ADGRG7: variants seen among roughly 807,000 people sequenced by gnomAD.
The protein encoded by ADGRG7 is adhesion G protein-coupled receptor G7.
In ADGRG7, 82 loss-of-function variants were observed where a neutral mutation model predicts 88.6. The ratio of observed to expected loss-of-function variants is 0.93; its 90% CI spans 0.77 to 1.11. ADGRG7 has a LOEUF of 1.11. Ranked by LOEUF, ADGRG7 falls within the 50% of genes most tolerant of loss-of-function variation. The probability of loss-of-function intolerance (pLI) is 0.00; values close to 1 mark genes in which losing one functional copy is unlikely to be tolerated. For missense variants in ADGRG7, 945 were observed against 953.4 expected, an observed-to-expected ratio of 0.99 and a Z score of 0.12; for synonymous variants, 381 against 345.2, an observed-to-expected ratio of 1.10 and a Z score of -1.15.
intron 14 of ADGRG7, among the ~76,000 whole-genome samples, chr3:100,660,665 AT>A (rs1331685802): frequency 1.3e-5 from 2 of 149,980 alleles, no homozygotes; most frequent in Non-Finnish European, 3.0e-5. Context: ...TAAAAATTAA[AT>A]TTTCGGCAGG....
chr3:100,683,531 G>A (rs1034215226), intron 15 of ADGRG7, among the ~76,000 whole-genome samples: 1 of 152,220 alleles, frequency 6.6e-6, no homozygotes, highest in Non-Finnish European at 1.5e-5. Context: ...GGAGCTGCCT[G>A]CCCCACCGCA....
intron 6 of ADGRG7, among the ~76,000 whole-genome samples, chr3:100,639,153 A>G (rs1419195695): frequency 1.3e-5 from 2 of 152,096 alleles, no homozygotes; most frequent in Non-Finnish European, 2.9e-5. Flanking sequence ...TTATATAAAT[A>G]TATACACATC....
At chr3:100,645,542 C>T (rs1021514189) in intron 8 of ADGRG7, among the ~76,000 whole-genome samples, 5 of 152,194 alleles carry the variant, frequency 3.3e-5, no homozygotes, top group Non-Finnish European at 5.9e-5. Context: ...TTTGCTATTT[C>T]CTGTCTCATA....
intron 6 of ADGRG7, among the ~76,000 whole-genome samples, chr3:100,642,986 T>C (rs1000004829): frequency 1.3e-5 from 2 of 152,222 alleles, no homozygotes; most frequent in Non-Finnish European, 2.9e-5. Flanking sequence ...TAATAAAGAC[T>C]ATTTCTTTTG....
At chr3:100,613,556 A>G (rs1707185947) in intron 1 of ADGRG7, among the ~76,000 whole-genome samples, 1 of 151,542 alleles carries the variant, frequency 6.6e-6, no homozygotes, top group African/African-American at 2.4e-5. Flanking sequence ...AAAAAAGTCT[A>G]TTAAAGGGAA....
chr3:100,627,781 T>C (rs1707399989), intron 1 of ADGRG7, among the ~76,000 whole-genome samples: 1 of 152,144 alleles, frequency 6.6e-6, no homozygotes, highest in African/African-American at 2.4e-5. Flanking sequence ...TTGTTTTTCT[T>C]GTGATTCTTC....
intron 1 of ADGRG7, 122 bp from the exon 2 acceptor site, chr3:100,629,476 A>C (rs1329194720): frequency 3.2e-6 from 2 of 629,312 alleles, no homozygotes; most frequent in African/African-American, 3.7e-5. Context: ...ATTACAAAGA[A>C]TATTTCTCAG....
chr3:100,643,443 G>A, intron 7 of ADGRG7, 38 bp downstream of exon 7: 1 of 1,612,336 alleles, frequency 6.2e-7, no homozygotes, highest in South Asian at 1.1e-5. Flanking sequence ...ACAGCAAAGA[G>A]CATTCTGCTA....
At chr3:100,615,781 A>G (rs898565843) in intron 1 of ADGRG7, among the ~76,000 whole-genome samples, 1 of 152,190 alleles carries the variant, frequency 6.6e-6, no homozygotes, top group Admixed American at 6.5e-5. Flanking sequence ...TAAAGAGTAA[A>G]GTCAACCATA....
intron 3 of ADGRG7, 125 bp downstream of exon 3, chr3:100,630,934 C>T (rs1324715634): frequency 4.7e-6 from 2 of 422,098 alleles, no homozygotes; most frequent in South Asian, 9.9e-5. Context: ...AAGGACTTAA[C>T]TCCCTTTCGT....
Position 100,609,618 on chromosome 3 carries a change from C to T in ADGRG7, c.-239C>T. 1 of 382,290 alleles carries T rather than the reference C, an allele frequency of 2.6e-6. No individual in the cohort carries two copies. Among genetic ancestry groups the T allele is most frequent in the Admixed American group, 3.6e-5 (1 of 27,960 alleles). The allele number at this position is 382,290 out of a possible 1,614,324, so 23.7% of individuals were successfully genotyped here. The stretch of plus-strand genomic sequence containing the variant: ...CTCTAATCACTTTTTTCATGTTCTC[C>T]TTGAGTGAAGGATGAGGAAATTGAA... On this transcript the variant is annotated 5_prime_UTR_variant, in exon 1 of 16. Transcript: ENST00000273352.
At chr3:100,659,193 G>T (rs982427906) in intron 13 of ADGRG7, among the ~76,000 whole-genome samples, 2 of 152,088 alleles carry the variant, frequency 1.3e-5, no homozygotes, top group African/African-American at 4.8e-5. Flanking sequence ...AGCACTTTGG[G>T]AGGCCGAGGT....
chr3:100,637,243 ATGG>A, intron 5 of ADGRG7, 56 bp from the exon 6 acceptor site: 2 of 1,072,908 alleles, frequency 1.9e-6, no homozygotes, highest in Non-Finnish European at 2.9e-6. Flanking sequence ...GATGATAATG[ATGG>A]TGATGATAAT....
chr3:100,666,467 C>T (rs1029898463), intron 14 of ADGRG7, among the ~76,000 whole-genome samples: 6 of 152,344 alleles, frequency 3.9e-5, no homozygotes, highest in Admixed American at 6.5e-5. Flanking sequence ...TATGCATACA[C>T]ATAAACATCT....
intron 1 of ADGRG7, among the ~76,000 whole-genome samples, chr3:100,613,843 T>A (rs1226581422): frequency 6.6e-6 from 1 of 151,806 alleles, no homozygotes; most frequent in African/African-American, 2.4e-5. Context: ...CACTTGAGAG[T>A]ATAGGGGAAA....
At chr3:100,628,553 A>C (rs1168379698) in intron 1 of ADGRG7, among the ~76,000 whole-genome samples, 1 of 151,934 alleles carries the variant, frequency 6.6e-6, no homozygotes, top group African/African-American at 2.4e-5. Flanking sequence ...ATGCGGTTTC[A>C]CCATATTGCT....
At chr3:100,682,370 G>C (rs2094974680) in intron 15 of ADGRG7, among the ~76,000 whole-genome samples, 1 of 152,172 alleles carries the variant, frequency 6.6e-6, no homozygotes, top group African/African-American at 2.4e-5. Context: ...TCAGGGGACC[G>C]GGGTGGGAAG....
intron 15 of ADGRG7, among the ~76,000 whole-genome samples, chr3:100,669,533 CAAAAAAAAAAAAAA>C (rs59788369): frequency 1.5e-5 from 1 of 66,576 alleles, no homozygotes; most frequent in Non-Finnish European, 2.6e-5. Flanking sequence ...GACTCCATCT[CAAAAAAAAAAAAAA>C]AAAAAAAAAA....
In ADGRG7 at chr3:100,646,439, C is replaced by T. The variant is rs549264381; in HGVS notation, c.1111-130C>T. On this transcript the variant is annotated intron_variant, in intron 9 of 15. Transcript: ENST00000273352. ...ATCTCCTTTTTTCCCTCTCCTTAAT[C>T]ATAATGAATATGCTGATGCTTAGTA... is the stretch of plus-strand genomic sequence containing the variant. The T allele has an allele frequency of 2.9e-5, 21 of 729,860 alleles. No individual in the cohort carries two copies. The East Asian group carries it at 5.8e-4, about 20-fold the overall frequency. 45.2% of individuals were successfully genotyped at this position (729,860 alleles called of 1,614,324 possible).
Sources: allele counts gnomAD v4.1 joint callset (sites outside exome capture counted in the v4.1 genomes callset), GRCh38; gene constraint gnomAD v4.1.1; transcripts MANE v1.5; gene names NCBI Gene and HGNC (gene_info 2026-07-23, HGNC 2026-07-21).